Variants in EBF1 observed in about 807,000 individuals in gnomAD.
The protein encoded by EBF1 is EBF transcription factor 1.
A neutral mutation model predicts 68.4 loss-of-function variants in EBF1; 10 were observed. The observed-to-expected ratio is 0.15, with a 90% CI of 0.09 to 0.25. EBF1 has a LOEUF of 0.25. Among genes scored for constraint, EBF1 ranks in the 10% least tolerant of loss-of-function variants. EBF1 has a pLI of 1.00. For missense variants in EBF1, 509 were observed against 794.4 expected (o/e 0.64, Z 4.32); for synonymous variants, 298 against 299.8 (o/e 0.99, Z 0.06).
At chr5:158,985,282 G>A (rs1052550797) in intron 6 of EBF1, among the ~76,000 whole-genome samples, 2 of 152,152 alleles carry the variant, frequency 1.3e-5, no homozygotes, top group Non-Finnish European at 2.9e-5. Flanking sequence ...CCAGCTTTGG[G>A]ACCATGTGAA....
intron 6 of EBF1, among the ~76,000 whole-genome samples, chr5:159,051,263 CACA>C (rs898180085): frequency 7.2e-5 from 11 of 151,926 alleles, no homozygotes; most frequent in Admixed American, 6.6e-4. Context: ...ACGGGGAGGG[CACA>C]ACATTTAGAG....
At position 159,095,680 on chromosome 5, in the gene EBF1, G is replaced by T. The variant is rs1782470905; in HGVS notation, c.356-5C>A. 6.2e-6 allele frequency: 10 copies of T among 1,614,028 alleles called. No individual in the cohort carries two copies. Among genetic ancestry groups the T allele is most frequent in the Non-Finnish European group, 8.5e-6 (10 of 1,179,940 alleles). ...AATCCTGCTCCGTCCTTATCCCTAG[G>T]GTTGGAAATGGGGGAAGGGAGGAGA... On this transcript the variant is annotated splice_polypyrimidine_tract_variant and splice_region_variant and intron_variant, in intron 3 of 15. Transcript: ENST00000313708.
chr5:158,866,436 G>C (rs151041933), intron 6 of EBF1, among the ~76,000 whole-genome samples: 1 of 152,210 alleles, frequency 6.6e-6, no homozygotes, highest in Non-Finnish European at 1.5e-5. Context: ...TGACAGCTCT[G>C]ATCGGGTACT....
intron 6 of EBF1, among the ~76,000 whole-genome samples, chr5:158,935,211 G>A (rs1811716834): frequency 2.0e-5 from 3 of 152,198 alleles, no homozygotes; most frequent in Admixed American, 6.5e-5. Flanking sequence ...CTGCCCAAGA[G>A]AAGATGAGAA....
rs114740520 is a variant in EBF1 at position 159,080,785 on chromosome 5, C to T, written c.485+3881G>A. ...AATATTATCCTCTATTTCAGAAATA[C>T]GAAAACTGAAGACAGAGGAACACCC... On this transcript the variant is annotated intron_variant, in intron 5 of 15. Transcript: ENST00000313708. Among the ~76,000 whole-genome samples, 746 of 152,240 alleles carry T rather than the reference C, an allele frequency of 4.9e-3. 1 individual carries two copies. Among genetic ancestry groups the T allele is most frequent in the Non-Finnish European group, 7.8e-3 (529 of 68,028 alleles).
intron 2 of EBF1, 82 bp downstream of exon 2, chr5:159,096,892 G>A: frequency 2.0e-6 from 3 of 1,519,966 alleles, no homozygotes; most frequent in Non-Finnish European, 2.7e-6. Flanking sequence ...TTGCACTCAA[G>A]GAAGGGCGCG....
At chr5:159,069,681 C>T (rs1311153996) in intron 6 of EBF1, among the ~76,000 whole-genome samples, 1 of 152,086 alleles carries the variant, frequency 6.6e-6, no homozygotes, top group Admixed American at 6.6e-5. Flanking sequence ...ATTCAGACTA[C>T]CCTATGTGAC....
chr5:159,002,188 T>A (rs1762678772), intron 6 of EBF1, among the ~76,000 whole-genome samples: 1 of 150,086 alleles, frequency 6.7e-6, no homozygotes, highest in Admixed American at 6.6e-5. Context: ...TTCCATTTAC[T>A]CTTCAAGTCC....
intron 6 of EBF1, among the ~76,000 whole-genome samples, chr5:159,026,003 A>G (rs1767651290): frequency 6.6e-6 from 1 of 152,220 alleles, no homozygotes. Context: ...AAAACTCACA[A>G]ATGTCTGTTA....
intron 6 of EBF1, among the ~76,000 whole-genome samples, chr5:159,004,750 G>C (rs1763230910): frequency 6.6e-6 from 1 of 152,124 alleles, no homozygotes; most frequent in Non-Finnish European, 1.5e-5. Context: ...ATAGCTTCAG[G>C]TGATAAGATC....
rs1252896546 is a variant in EBF1 at position 158,856,656 on chromosome 5, C to CA, written c.555-16547dup. ...ATTTAGTACATTTTTTTAGTCCTCA[C>CA]AGCAACCCTACGCTCCCCCATCCAC... On this transcript the variant is annotated intron_variant, in intron 6 of 15. Coordinates refer to ENST00000313708, the MANE Select transcript of EBF1 (RefSeq NM_024007.5). 3.9e-5 allele frequency among the ~76,000 whole-genome samples: 6 copies of CA among 152,306 alleles called. No homozygotes were observed. The East Asian group carries it at 7.7e-4, about 20-fold the overall frequency.
intron 6 of EBF1, among the ~76,000 whole-genome samples, chr5:158,958,440 A>G (rs1200496844): frequency 1.3e-5 from 2 of 152,120 alleles, no homozygotes; most frequent in African/African-American, 4.8e-5. Context: ...GGTTCCGATC[A>G]CAGAGTTCAG....
At chr5:159,055,481 T>A (rs548844216) in intron 6 of EBF1, among the ~76,000 whole-genome samples, 17 of 152,332 alleles carry the variant, frequency 1.1e-4, no homozygotes, top group Non-Finnish European at 2.4e-4. Flanking sequence ...TCTCATTTCA[T>A]AATGAATGAG....
chr5:158,708,254 C>A, intron 14 of EBF1, 81 bp from the exon 15 acceptor site: 3 of 1,413,412 alleles, frequency 2.1e-6, no homozygotes, highest in South Asian at 1.3e-5. Flanking sequence ...ATCCCTCACC[C>A]AGCCACCTTG....
At chr5:159,027,044 AGT>A (rs1447714485) in intron 6 of EBF1, among the ~76,000 whole-genome samples, 1 of 152,166 alleles carries the variant, frequency 6.6e-6, no homozygotes, top group African/African-American at 2.4e-5. Flanking sequence ...CTGGACCATT[AGT>A]GCATATTTTC....
chr5:158,775,961 C>T (rs1346515816), intron 10 of EBF1, among the ~76,000 whole-genome samples: 1 of 152,128 alleles, frequency 6.6e-6, no homozygotes, highest in African/African-American at 2.4e-5. Context: ...AAACACTTGG[C>T]CTACTTCTAT....
intron 8 of EBF1, among the ~76,000 whole-genome samples, chr5:158,806,107 T>C (rs1338475128): frequency 6.6e-6 from 1 of 152,066 alleles, no homozygotes; most frequent in Admixed American, 6.6e-5. Flanking sequence ...ACTGGAAAAG[T>C]TGGCTTATGG....
intron 10 of EBF1, among the ~76,000 whole-genome samples, chr5:158,766,937 C>A (rs1391693676): frequency 6.6e-6 from 1 of 152,104 alleles, no homozygotes; most frequent in African/African-American, 2.4e-5. Context: ...CATGTTATAT[C>A]ATACTAAAAA....
intron 6 of EBF1, among the ~76,000 whole-genome samples, chr5:158,921,629 C>CATTA (rs1337223386): frequency 6.6e-6 from 1 of 152,164 alleles, no homozygotes; most frequent in African/African-American, 2.4e-5. Context: ...TGTTAGCGTG[C>CATTA]ATTAATTAGT....
Sources: gnomAD v4.1 joint callset for allele counts (sites outside exome capture counted in the v4.1 genomes callset) on GRCh38, gnomAD v4.1.1 for gene constraint, MANE v1.5 for transcripts, NCBI Gene and HGNC (gene_info 2026-07-23, HGNC 2026-07-21) for gene names.